The following MGAT4C variants were observed in gnomAD, a reference collection of about 807,000 sequenced individuals.
The protein encoded by MGAT4C is MGAT4 family member C, also known as alpha-1,3-mannosyl-glycoprotein 4-beta-N-acetylglucosaminyltransferase C.
A neutral mutation model predicts 40.1 loss-of-function variants in MGAT4C; 19 were observed. The observed-to-expected ratio is 0.47, with a 90% CI of 0.33 to 0.70. MGAT4C has a LOEUF of 0.70. Ranked by LOEUF, MGAT4C falls within the 30% of genes least tolerant of loss-of-function variation. MGAT4C has a pLI of 0.02. For missense variants in MGAT4C, 491 were observed against 563.2 expected (o/e 0.87, Z 1.30); for synonymous variants, 181 against 187.1 (o/e 0.97, Z 0.27).
chr12:86,390,142 C>G (rs1956138011), intron 3 of MGAT4C, among the ~76,000 whole-genome samples: 1 of 152,086 alleles, frequency 6.6e-6, no homozygotes, highest in Non-Finnish European at 1.5e-5. Flanking sequence ...ATAGGGGAAA[C>G]ACTAAGCTGA....
intron 1 of MGAT4C, among the ~76,000 whole-genome samples, chr12:86,819,426 C>A (rs1256913400): frequency 2.7e-5 from 4 of 150,716 alleles, no homozygotes; most frequent in African/African-American, 4.8e-5. Context: ...AACTATACTG[C>A]AAATTGTACA....
rs75231727 is a variant in MGAT4C at position 86,018,605 on chromosome 12, C to T, written c.-6-29053G>A. Among the ~76,000 whole-genome samples the T allele has an allele frequency of 7.4e-3, 1,120 of 152,100 alleles. 9 individuals carry two copies. Among genetic ancestry groups the T allele is most frequent in the Non-Finnish European group, 0.011 (755 of 67,974 alleles). On this transcript the variant is annotated intron_variant, in intron 2 of 4. Coordinates refer to ENST00000611864, the MANE Select transcript of MGAT4C (RefSeq NM_001351288.2). ...AAGCCAGAAAAATGAAAAGTTTTTCCGAAACATCATTATAATTACATTGGG... is the reference window on the plus strand; with the variant it reads ...AAGCCAGAAAAATGAAAAGTTTTTCTGAAACATCATTATAATTACATTGGG...
chr12:86,701,097 C>T (rs1311081802), intron 2 of MGAT4C, among the ~76,000 whole-genome samples: 1 of 152,050 alleles, frequency 6.6e-6, no homozygotes, highest in Non-Finnish European at 1.5e-5. Context: ...TGTCTGCTAT[C>T]CATTTTGAGA....
intron 3 of MGAT4C, among the ~76,000 whole-genome samples, chr12:86,345,521 CA>C (rs1321034577): frequency 6.6e-6 from 1 of 151,556 alleles, no homozygotes; most frequent in Non-Finnish European, 1.5e-5. Context: ...TGAGAACATG[CA>C]GTGTTTGGTT....
rs1408429960 is a variant in MGAT4C at position 86,582,826 on chromosome 12, T to C, written c.-229+144383A>G. Among the ~76,000 whole-genome samples the C allele has an allele frequency of 2.0e-5, 3 of 151,224 alleles. No individual in the cohort carries two copies. In the South Asian group the frequency reaches 6.2e-4, roughly 31 times the overall value. ...GTGACTCCCAGACTGTATCCAGTAA[T>C]GGCAATAAAGGAATGAATCTAACCC... On this transcript the variant is annotated intron_variant, in intron 2 of 7. Transcript: ENST00000548651.
chr12:86,278,786 C>T (rs186029593), intron 4 of MGAT4C, among the ~76,000 whole-genome samples: 30 of 151,822 alleles, frequency 2.0e-4, no homozygotes, highest in Non-Finnish European at 4.0e-4. Context: ...TCTGTTTTTC[C>T]CCATTTATGA....
chr12:86,491,011 G>T (rs1392601027), intron 2 of MGAT4C, among the ~76,000 whole-genome samples: 2 of 152,092 alleles, frequency 1.3e-5, no homozygotes, highest in Admixed American at 1.3e-4. Flanking sequence ...CAACGAGACA[G>T]AAAGTTAACA....
chr12:86,275,984 G>T (rs1345365601), intron 4 of MGAT4C, among the ~76,000 whole-genome samples: 1 of 148,760 alleles, frequency 6.7e-6, no homozygotes, highest in Non-Finnish European at 1.5e-5. Flanking sequence ...TTAGCCGGGC[G>T]TGGTGTTGGC....
intron 2 of MGAT4C, among the ~76,000 whole-genome samples, chr12:86,621,154 T>A (rs1488270784): frequency 6.6e-6 from 1 of 152,000 alleles, no homozygotes; most frequent in Non-Finnish European, 1.5e-5. Context: ...TTCAATGGTA[T>A]TTATTTGTGA....
chr12:86,013,738 T>G (rs1437867383), intron 2 of MGAT4C: 1 of 984,504 alleles, frequency 1.0e-6, no homozygotes, highest in African/African-American at 1.8e-5. Context: ...GCTTTTCTAG[T>G]GTCAGTCAGG....
intron 2 of MGAT4C, among the ~76,000 whole-genome samples, chr12:86,689,372 T>A (rs1950133378): frequency 6.6e-6 from 1 of 152,164 alleles, no homozygotes; most frequent in South Asian, 2.1e-4. Context: ...CTCCATCCAG[T>A]TTTTTTCCCT....
chr12:86,685,863 A>G (rs1055539500), intron 2 of MGAT4C, among the ~76,000 whole-genome samples: 3 of 136,586 alleles, frequency 2.2e-5, no homozygotes, highest in Non-Finnish European at 4.8e-5. Flanking sequence ...AATGCTTGTG[A>G]TTTTTTTTTT....
chr12:86,363,954 A>ACT lies in MGAT4C; in HGVS notation c.-119-29829_-119-29828dup, dbSNP rs762469045. Among the ~76,000 whole-genome samples, 934 of 99,402 alleles carry ACT rather than the reference A, an allele frequency of 9.4e-3. 7 individuals carry two copies. Among genetic ancestry groups the ACT allele is most frequent in the African/African-American group, 0.031 (889 of 28,904 alleles). 65.2% of individuals were successfully genotyped at this position (99,402 alleles called of 152,430 possible). ...AAAAAAATTACCAAATCTCTTTCTC[A>ACT]CTCTCTCTCTCTCTCTCTCACACAC... is the stretch of plus-strand genomic sequence containing the variant. On this transcript the variant is annotated intron_variant, in intron 3 of 7. Coordinates refer to the MGAT4C transcript ENST00000548651.
chr12:86,774,345 C>CTTTCTTTCTTTTCTTTCTTTCTT (rs1951708548), intron 1 of MGAT4C, among the ~76,000 whole-genome samples: 1 of 14,910 alleles, frequency 6.7e-5, no homozygotes, highest in African/African-American at 2.7e-4. Context: ...CTTTCTGTCT[C>CTTTCTTTCTTTTCTTTCTTTCTT]TCTCTCTCCC....
Position 85,975,609 on chromosome 12 carries a change from T to C in MGAT4C, c.*3680A>G, listed in dbSNP as rs1336126201. 1 of 150,822 alleles carries C rather than the reference T, an allele frequency of 6.6e-6. No homozygotes were observed. The highest frequency in any genetic ancestry group is 1.5e-5 in the Non-Finnish European group (1 of 67,092). 9.3% of individuals were successfully genotyped at this position (150,822 alleles called of 1,614,324 possible). A position where few individuals can be genotyped will look rare whatever the true frequency, so the allele number is the denominator to read the frequency against. ...GAAGACAAAAGGCATGCATATAAAA[T>C]TTGTTGAAACACAAAGCTGAGGAGG... On this transcript the variant is annotated 3_prime_UTR_variant, in exon 5 of 5. Transcript: ENST00000611864.
chr12:86,766,371 G>A (rs1292253824), intron 1 of MGAT4C, among the ~76,000 whole-genome samples: 1 of 152,060 alleles, frequency 6.6e-6, no homozygotes, highest in Non-Finnish European at 1.5e-5. Context: ...CATAAAGCAA[G>A]TCCTGAGTGA....
At chr12:86,714,159 G>A (rs1422641395) in intron 2 of MGAT4C, among the ~76,000 whole-genome samples, 1 of 151,892 alleles carries the variant, frequency 6.6e-6, no homozygotes, top group Admixed American at 6.6e-5. Flanking sequence ...GGAAATTAAG[G>A]GACAAAATAA....
chr12:86,742,582 C>T (rs988407634), intron 1 of MGAT4C, among the ~76,000 whole-genome samples: 7 of 151,460 alleles, frequency 4.6e-5, no homozygotes, highest in South Asian at 4.2e-4. Context: ...CCCTGTGATC[C>T]GGTTTAGTCT....
At position 86,289,855 on chromosome 12, in the gene MGAT4C, C is replaced by T. The variant is rs974496288; in HGVS notation, c.-57+44210G>A. Among the ~76,000 whole-genome samples, 38 of 152,124 alleles carry T rather than the reference C, an allele frequency of 2.5e-4. 1 individual carries two copies. Among genetic ancestry groups the T allele is most frequent in the Non-Finnish European group, 2.9e-5 (2 of 68,020 alleles). On this transcript the variant is annotated intron_variant, in intron 4 of 7. Coordinates refer to the MGAT4C transcript ENST00000548651. ...ATTGTTTTCCCAAATTCATAGTTAA[C>T]TCATAGATCATAGTCTCCTTTGCAT...
Sources: gnomAD v4.1 joint callset for allele counts (sites outside exome capture counted in the v4.1 genomes callset) on GRCh38, gnomAD v4.1.1 for gene constraint, MANE v1.5 for transcripts, NCBI Gene and HGNC (gene_info 2026-07-23, HGNC 2026-07-21) for gene names.